HMCN2: variants seen among roughly 807,000 people sequenced by gnomAD.
HMCN2 encodes the protein hemicentin-2.
A neutral mutation model predicts 377.5 loss-of-function variants in HMCN2; 325 were observed. The observed-to-expected ratio is 0.86, with a 90% confidence interval of 0.79 to 0.94. The LOEUF is 0.94. Among genes scored for constraint, HMCN2 ranks in the 40% least tolerant of loss-of-function variants. HMCN2 has a pLI of 0.00. For synonymous variants in HMCN2, 2,007 were observed against 2,046.8 expected, an observed-to-expected ratio of 0.98 and a Z score of 0.53; for missense variants, 4,543 against 4,725.3, an observed-to-expected ratio of 0.96 and a Z score of 1.13.
intron 19 of HMCN2, among the ~76,000 whole-genome samples, chr9:130,323,337 C>G (rs1206630296): frequency 2.0e-5 from 3 of 152,188 alleles, no homozygotes. Flanking sequence ...CTTCTCCATG[C>G]CTAGTTACCC....
chr9:130,401,868 G>GT (rs1263566888), intron 77 of HMCN2, among the ~76,000 whole-genome samples: 2 of 152,096 alleles, frequency 1.3e-5, no homozygotes, highest in Non-Finnish European at 2.9e-5. Flanking sequence ...GAAGCCAGGA[G>GT]TTTGAGACCA....
intron 25 of HMCN2, among the ~76,000 whole-genome samples, chr9:130,344,291 G>A (rs1030965476): frequency 6.6e-6 from 1 of 152,076 alleles, no homozygotes. Flanking sequence ...TGTATGTGGT[G>A]TATGTGTCAT....
At chr9:130,431,704 G>A (rs1055376768) in intron 96 of HMCN2, among the ~76,000 whole-genome samples, 14 of 152,214 alleles carry the variant, frequency 9.2e-5, no homozygotes, top group African/African-American at 2.7e-4. Flanking sequence ...CTGAGATCAC[G>A]CGGGCAGGCT....
At chr9:130,418,114 G>GCCC (rs1432770674) in intron 85 of HMCN2, among the ~76,000 whole-genome samples, 1 of 152,140 alleles carries the variant, frequency 6.6e-6, no homozygotes, top group African/African-American at 2.4e-5. Flanking sequence ...CTGACAGATG[G>GCCC]CCCCCCACTT....
At chr9:130,402,490 T>C (rs1038701034) in intron 77 of HMCN2, among the ~76,000 whole-genome samples, 2 of 152,106 alleles carry the variant, frequency 1.3e-5, no homozygotes, top group African/African-American at 4.8e-5. Context: ...GAGTGGCAGA[T>C]CCTGGAACTT....
At position 130,293,379 on chromosome 9, in the gene HMCN2, C is replaced by T. The variant is rs1038716129; in HGVS notation, c.613-1476C>T. ...AATTCACTTGGAGATGTTCTTTTCT[C>T]TCTGTGGTTGTGGTACCGATTTTAT... On this transcript the variant is annotated intron_variant, in intron 4 of 97. Coordinates refer to ENST00000683500, the MANE Select transcript of HMCN2 (RefSeq NM_001291815.2). 1.1e-4 allele frequency among the ~76,000 whole-genome samples: 15 copies of T among 134,872 alleles called. No individual in the cohort carries two copies. The East Asian group carries it at 2.8e-3, about 25-fold the overall frequency. The allele number at this position is 134,872 out of a possible 152,430, so 88.5% of individuals were successfully genotyped here. A position where few individuals can be genotyped will look rare whatever the true frequency, so the allele number is the denominator to read the frequency against.
chr9:130,410,497 T>TC, intron 84 of HMCN2, 74 bp from the exon 85 acceptor site: 3 of 1,400,036 alleles, frequency 2.1e-6, no homozygotes, highest in Non-Finnish European at 3.0e-6. Context: ...CTGCCCTCAG[T>TC]CCCCTACCCA....
chr9:130,311,601 A>G (rs925635200), intron 15 of HMCN2, among the ~76,000 whole-genome samples: 29 of 152,186 alleles, frequency 1.9e-4, no homozygotes, highest in African/African-American at 6.8e-4. Flanking sequence ...GTGGGTGCCC[A>G]GAGAAGGCTA....
chr9:130,391,833 G>A, intron 65 of HMCN2, 102 bp from the exon 66 acceptor site: 3 of 725,884 alleles, frequency 4.1e-6, no homozygotes, highest in Non-Finnish European at 5.1e-6. Context: ...TGTGGTTGCT[G>A]GCGGCAGAAG....
In HMCN2 at chr9:130,428,400, GACAGCGCTGTGTGA is replaced by G; in HGVS notation, c.14111_14124del (p.Gln4704ProfsTer19). Reference sequence around the variant, plus strand: ...TGGGATGCTCACCTCTGCCGAGAGGGACAGCGCTGTGTGAACCTGCTCGGGTCCTACCGCTGCCT... The same window carrying G: ...TGGGATGCTCACCTCTGCCGAGAGGGACCTGCTCGGGTCCTACCGCTGCCT... On this transcript the variant is annotated frameshift_variant, in exon 93 of 98. Coordinates refer to ENST00000683500, the MANE Select transcript of HMCN2 (RefSeq NM_001291815.2). LOFTEE classifies it high-confidence loss of function. The surrounding 1 kb of genome is among the most constrained non-coding windows in gnomAD (Gnocchi z 5.0). The G allele has an allele frequency of 6.5e-7, 1 of 1,548,012 alleles. No individual in the cohort carries two copies. The highest frequency in any genetic ancestry group is 1.2e-5 in the South Asian group (1 of 84,062).
chr9:130,409,049 C>T, intron 84 of HMCN2, 116 bp downstream of exon 84: 1 of 611,762 alleles, frequency 1.6e-6, no homozygotes, highest in African/African-American at 1.9e-5. Flanking sequence ...TACAAAGCAC[C>T]TCCCTGCCCA....
Position 130,302,854 on chromosome 9 carries a change from C to G in HMCN2, c.1277-3C>G. The G allele has an allele frequency of 2.2e-6, 1 of 462,296 alleles. No homozygotes were observed. Among genetic ancestry groups the G allele is most frequent in the Non-Finnish European group, 4.5e-6 (1 of 222,048 alleles). The allele number at this position is 462,296 out of a possible 1,614,324, so 28.6% of individuals were successfully genotyped here. ...CATTCTGAGTCCTGGTCCCCGCCTA[C>G]AGGCGCTCCCCTCGTCAGCATGGCC... On this transcript the variant is annotated splice_polypyrimidine_tract_variant and splice_region_variant and intron_variant, in intron 8 of 97. Coordinates refer to ENST00000683500, the MANE Select transcript of HMCN2 (RefSeq NM_001291815.2).
chr9:130,351,485 C>T lies in HMCN2; in HGVS notation c.4493C>T (p.Thr1498Ile). 2 of 1,304,306 alleles carry T rather than the reference C, an allele frequency of 1.5e-6. No homozygotes were observed. Among genetic ancestry groups the T allele is most frequent in the Non-Finnish European group, 2.0e-6 (2 of 988,966 alleles). The allele number at this position is 1,304,306 out of a possible 1,614,324, so 80.8% of individuals were successfully genotyped here. ...GAGGATGGCCAGGTTCTCAGGATCA[C>T]CGGCAGTCACGTGGGGGATGAGGGA... ...VQEDGQVLRI[T>I]GSHVGDEGRY... The change falls in exon 30 of 98, where the codon ACC (threonine) becomes ATC (isoleucine). Residue 1498 changes from threonine (T) to isoleucine (I), a missense_variant. Physicochemically the swap from Thr to Ile is moderately conservative, Grantham distance 89. Transcript: ENST00000683500. This position sits in a 1 kb window ranked among gnomAD's most constrained non-coding sequence, Gnocchi z 5.4.
intron 1 of HMCN2, among the ~76,000 whole-genome samples, chr9:130,276,390 G>C (rs782065852): frequency 6.6e-6 from 1 of 151,920 alleles, no homozygotes; most frequent in Non-Finnish European, 1.5e-5. Flanking sequence ...GAGAAGCTGG[G>C]TGGGTGGGGG....
chr9:130,272,272 A>ACC (rs1360957796), intron 1 of HMCN2, among the ~76,000 whole-genome samples: 1 of 148,712 alleles, frequency 6.7e-6, no homozygotes, highest in African/African-American at 2.4e-5. Context: ...ATGGAATCTC[A>ACC]CCTTGTCTCC....
rs1363875332 is a variant in HMCN2, at chr9:130,353,186, C to T, written c.4845C>T (p.Ala1615=). 7.7e-7 allele frequency: 1 copy of T among 1,303,880 alleles called. No individual in the cohort carries two copies. Among genetic ancestry groups the T allele is most frequent in the African/African-American group, 1.5e-5 (1 of 65,996 alleles). The allele number at this position is 1,303,880 out of a possible 1,614,324, so 80.8% of individuals were successfully genotyped here. The change falls in exon 31 of 98, where the codon GCC becomes GCT. Residue 1615 remains alanine (A), a synonymous_variant. Transcript: ENST00000683500. The part of the protein sequence containing the change: ...ASNAVGAAEK[A]TRLDVYVPPT... Reference sequence around the variant, plus strand: ...ATGCTGTGGGGGCCGCAGAGAAGGCCACCAGGCTGGATGTTTATGGTGAGC... The same window carrying T: ...ATGCTGTGGGGGCCGCAGAGAAGGCTACCAGGCTGGATGTTTATGGTGAGC...
rs1328648356 is a variant in HMCN2 at position 130,402,877 on chromosome 9, C to T, written c.11859C>T (p.His3953=). 2.0e-5 allele frequency: 26 copies of T among 1,289,596 alleles called. No individual in the cohort carries two copies. Among genetic ancestry groups the T allele is most frequent in the Admixed American group, 4.6e-5 (2 of 43,552 alleles). 79.9% of individuals were successfully genotyped at this position (1,289,596 alleles called of 1,614,324 possible). A position where few individuals can be genotyped will look rare whatever the true frequency, so the allele number is the denominator to read the frequency against. ...ACTCTGCCGGCGTAGCCCACAAGCACGTCTTCCTCACTGTGCAAGGTAAGG... is the reference window on the plus strand; with the variant it reads ...ACTCTGCCGGCGTAGCCCACAAGCATGTCTTCCTCACTGTGCAAGGTAAGG... ...ARNSAGVAHK[H]VFLTVQASPV... The change falls in exon 78 of 98, where the codon CAC becomes CAT. Residue 3953 remains histidine, a synonymous_variant. Coordinates refer to ENST00000683500, the MANE Select transcript of HMCN2 (RefSeq NM_001291815.2).
At chr9:130,343,549 G>A (rs1018179784) in intron 25 of HMCN2, among the ~76,000 whole-genome samples, 8 of 148,898 alleles carry the variant, frequency 5.4e-5, no homozygotes, top group Admixed American at 2.7e-4. Context: ...CCCCGACCCA[G>A]GTCCCCGGCC....
chr9:130,334,421 A>G (rs1030143709), intron 22 of HMCN2, among the ~76,000 whole-genome samples: 11 of 152,084 alleles, frequency 7.2e-5, no homozygotes, highest in African/African-American at 2.7e-4. Flanking sequence ...CATCTGTAAA[A>G]TGGATTCCCC....
Sources: gnomAD v4.1 joint callset for allele counts (sites outside exome capture counted in the v4.1 genomes callset) on GRCh38, gnomAD v4.1.1 for gene constraint, Gnocchi (gnomAD v3.1) non-coding constraint, MANE v1.5 for transcripts, NCBI Gene and HGNC (gene_info 2026-07-23, HGNC 2026-07-21) for gene names.